EFNA5: variants seen among roughly 807,000 people sequenced by gnomAD.
The protein encoded by EFNA5 is ephrin-A5.
In EFNA5, 5 loss-of-function variants were observed where a neutral mutation model predicts 22.9. That is an observed-to-expected ratio of 0.22 (90% CI 0.11 to 0.46). The LOEUF (loss-of-function observed/expected upper bound fraction) is 0.46, where lower values mean the gene tolerates loss of function less well. Ranked by LOEUF, EFNA5 falls within the 20% of genes least tolerant of loss-of-function variation. The probability of loss-of-function intolerance (pLI) is 0.99; values close to 1 mark genes in which losing one functional copy is unlikely to be tolerated. For synonymous variants in EFNA5, 113 were observed against 112.2 expected, an observed-to-expected ratio of 1.01 and a Z score of -0.04; for missense variants, 237 against 293.3, an observed-to-expected ratio of 0.81 and a Z score of 1.40.
At chr5:107,510,994 C>A (rs1156421399) in intron 1 of EFNA5, among the ~76,000 whole-genome samples, 3 of 136,566 alleles carry the variant, frequency 2.2e-5, no homozygotes, top group Admixed American at 1.5e-4. Flanking sequence ...GCATTTCTTT[C>A]TTTTTCTTTG....
At chr5:107,494,009 A>C (rs1746891638) in intron 1 of EFNA5, among the ~76,000 whole-genome samples, 2 of 152,216 alleles carry the variant, frequency 1.3e-5, no homozygotes. Context: ...TAATGCTCTT[A>C]AAATGAGCAG....
intron 1 of EFNA5, among the ~76,000 whole-genome samples, chr5:107,627,709 A>G (rs1580568315): frequency 6.6e-6 from 1 of 151,934 alleles, no homozygotes; most frequent in East Asian, 1.9e-4. Flanking sequence ...AGCTGTAAAT[A>G]TACTTAAATA....
intron 1 of EFNA5, among the ~76,000 whole-genome samples, chr5:107,551,766 A>G (rs1748302612): frequency 6.6e-6 from 1 of 152,184 alleles, no homozygotes; most frequent in Non-Finnish European, 1.5e-5. Flanking sequence ...CTGTCCTATC[A>G]GAAGAAAGGA....
chr5:107,617,171 T>TA (rs146721914), intron 1 of EFNA5, among the ~76,000 whole-genome samples: 2 of 144,768 alleles, frequency 1.4e-5, no homozygotes, highest in African/African-American at 5.2e-5. Flanking sequence ...TTTAAACCCA[T>TA]AAAAAAACTA....
At chr5:107,399,368 G>GGAAAGGAAAGGAAAGGAAA (rs1748026157) in intron 2 of EFNA5, among the ~76,000 whole-genome samples, 1 of 64,906 alleles carries the variant, frequency 1.5e-5, no homozygotes, top group Non-Finnish European at 3.7e-5. Flanking sequence ...AGGAAAGGAA[G>GGAAAGGAAAGGAAAGGAAA]GAGGGAGGAA....
At chr5:107,393,941 A>G (rs3797512) in intron 2 of EFNA5, among the ~76,000 whole-genome samples, 1 of 152,226 alleles carries the variant, frequency 6.6e-6, no homozygotes, top group African/African-American at 2.4e-5. Context: ...GATTAATCAA[A>G]GCCATATGGA....
chr5:107,611,817 C>T (rs1256054298), intron 1 of EFNA5, among the ~76,000 whole-genome samples: 3 of 152,218 alleles, frequency 2.0e-5, no homozygotes, highest in African/African-American at 7.2e-5. Context: ...TAGTTGAATG[C>T]AGCATGAACC....
intron 2 of EFNA5, among the ~76,000 whole-genome samples, chr5:107,417,903 T>C (rs1468362652): frequency 3.9e-5 from 6 of 152,114 alleles, no homozygotes; most frequent in South Asian, 2.1e-4. Context: ...AGAGCAAGAA[T>C]AGATGAGTGG....
At chr5:107,652,994 C>T (rs1750762891) in intron 1 of EFNA5, among the ~76,000 whole-genome samples, 1 of 151,932 alleles carries the variant, frequency 6.6e-6, no homozygotes, top group Non-Finnish European at 1.5e-5. Context: ...TCTGATGCCC[C>T]AGGGATGCCA....
At chr5:107,421,322 C>T (rs1195420306) in intron 2 of EFNA5, among the ~76,000 whole-genome samples, 2 of 152,138 alleles carry the variant, frequency 1.3e-5, no homozygotes, top group African/African-American at 4.8e-5. Context: ...TCAGATATAA[C>T]AAATGCTGGA....
chr5:107,401,752 T>C (rs764330004), intron 2 of EFNA5, among the ~76,000 whole-genome samples: 3 of 152,192 alleles, frequency 2.0e-5, no homozygotes, highest in Non-Finnish European at 4.4e-5. Context: ...TGAAGGGCAA[T>C]CCTGCTAGCT....
At chr5:107,490,264 T>C (rs908428073) in intron 1 of EFNA5, among the ~76,000 whole-genome samples, 3 of 152,118 alleles carry the variant, frequency 2.0e-5, no homozygotes, top group Non-Finnish European at 4.4e-5. Flanking sequence ...ATTTGTTTAT[T>C]TATTTATGTA....
chr5:107,581,753 G>A (rs1371150299), intron 1 of EFNA5, among the ~76,000 whole-genome samples: 1 of 152,164 alleles, frequency 6.6e-6, no homozygotes, highest in East Asian at 1.9e-4. Flanking sequence ...GTAGAATCTA[G>A]GTCCCCAGCC....
chr5:107,489,380 A>T (rs768390558), intron 1 of EFNA5, among the ~76,000 whole-genome samples: 2 of 151,982 alleles, frequency 1.3e-5, no homozygotes, highest in Non-Finnish European at 2.9e-5. Context: ...TACCAAGACC[A>T]GGCTGGTCTC....
rs1340162643 is a variant in EFNA5, at chr5:107,380,742, C to G, written c.*513G>C. ...GTAATATCGTATCTATTCTTAATAC[C>G]TCCCCTCCGGACCTGACATGGTGAC... On this transcript the variant is annotated 3_prime_UTR_variant, in exon 5 of 5. Transcript: ENST00000333274. 2.5e-6 allele frequency: 1 copy of G among 399,354 alleles called. No homozygotes were observed. The highest frequency in any genetic ancestry group is 3.6e-5 in the East Asian group (1 of 28,088). The allele number at this position is 399,354 out of a possible 1,614,324, so 24.7% of individuals were successfully genotyped here.
chr5:107,664,361 T>C lies in EFNA5; in HGVS notation c.125+6128A>G, dbSNP rs546344625. On this transcript the variant is annotated intron_variant, in intron 1 of 4. Transcript: ENST00000333274. The stretch of plus-strand genomic sequence containing the variant: ...TATGACTGACTAAATTTTGAAAACA[T>C]AAATGCAGACAAATTTAAGAGGAAA... 1.3e-4 allele frequency among the ~76,000 whole-genome samples: 20 copies of C among 152,272 alleles called. No homozygotes were observed. The East Asian group carries it at 3.3e-3, about 25-fold the overall frequency.
chr5:107,571,141 G>C (rs1321099038), intron 1 of EFNA5, among the ~76,000 whole-genome samples: 2 of 152,184 alleles, frequency 1.3e-5, no homozygotes, highest in Non-Finnish European at 2.9e-5. Context: ...GTGAGCGAGT[G>C]GGGGAAGAGG....
chr5:107,421,074 G>T (rs1474236053), intron 2 of EFNA5, among the ~76,000 whole-genome samples: 5 of 152,174 alleles, frequency 3.3e-5, no homozygotes, highest in African/African-American at 1.2e-4. Flanking sequence ...ACAATCAAAT[G>T]ATTTCTGAAG....
At chr5:107,516,985 G>A (rs992946543) in intron 1 of EFNA5, among the ~76,000 whole-genome samples, 1 of 152,060 alleles carries the variant, frequency 6.6e-6, no homozygotes, top group African/African-American at 2.4e-5. Context: ...CTAGGGCTGG[G>A]GGTAGGCACA....
Sources: gnomAD v4.1 joint callset for allele counts (sites outside exome capture counted in the v4.1 genomes callset) on GRCh38, gnomAD v4.1.1 for gene constraint, MANE v1.5 for transcripts, NCBI Gene and HGNC (gene_info 2026-07-23, HGNC 2026-07-21) for gene names.